Variants in HELZ observed in about 807,000 individuals in gnomAD.
The protein encoded by HELZ is helicase with zinc finger.
Under a neutral mutation model 218.2 loss-of-function variants are expected in HELZ, and 23 were observed. The ratio of observed to expected loss-of-function variants is 0.11; its 90% confidence interval spans 0.08 to 0.15. The LOEUF is 0.15. Ranked by LOEUF, HELZ falls within the 10% of genes least tolerant of loss-of-function variation. The pLI is 1.00. For synonymous variants in HELZ, 814 were observed against 829.4 expected (o/e 0.98, Z 0.32); for missense variants, 1,813 against 2,353.7 (o/e 0.77, Z 4.75).
Position 67,124,452 on chromosome 17 carries a change from CA to C in HELZ, c.3388-439del, listed in dbSNP as rs1428365525. Among the ~76,000 whole-genome samples the C allele has an allele frequency of 2.0e-5, 3 of 151,940 alleles. No homozygotes were observed. In the East Asian group the frequency reaches 5.8e-4, roughly 29 times the overall value. ...AACCTTTAACGGAATAAAAAGAATG[CA>C]AATATGGCTTAGGATTTATGACGTT... On this transcript the variant is annotated intron_variant, in intron 24 of 32. Transcript: ENST00000358691.
chr17:67,143,131 T>G (rs1598309830), intron 21 of HELZ, among the ~76,000 whole-genome samples: 1 of 152,124 alleles, frequency 6.6e-6, no homozygotes, highest in South Asian at 2.1e-4. Context: ...TAAATATAGA[T>G]AATTAATTGC....
At chr17:67,133,717 G>C (rs1408322540) in intron 23 of HELZ, among the ~76,000 whole-genome samples, 2 of 152,104 alleles carry the variant, frequency 1.3e-5, no homozygotes, top group Admixed American at 1.3e-4. Context: ...GTTTTGCCAT[G>C]TTGCCCAGGG....
intron 12 of HELZ, among the ~76,000 whole-genome samples, chr17:67,183,409 T>G (rs1301335047): frequency 1.3e-5 from 2 of 152,236 alleles, no homozygotes; most frequent in Non-Finnish European, 2.9e-5. Flanking sequence ...ACAAACTATT[T>G]AAGTCTATTT....
intron 28 of HELZ, 102 bp downstream of exon 28, chr17:67,114,222 G>T (rs2037364207): frequency 1.3e-6 from 1 of 765,042 alleles, no homozygotes. Flanking sequence ...AAACATAAAG[G>T]ATAAGTGTAC....
chr17:67,172,950 A>G, intron 13 of HELZ: 2 of 549,996 alleles, frequency 3.6e-6, no homozygotes, highest in South Asian at 7.9e-5. Context: ...TTTGAGAATC[A>G]CCATCCCAAA....
intron 5 of HELZ, among the ~76,000 whole-genome samples, chr17:67,212,312 C>G (rs1404246105): frequency 8.3e-3 from 1 of 120 alleles, no homozygotes; most frequent in African/African-American, 0.013. Context: ...GAGACACCAT[C>G]TCAAAAAAAA....
intron 14 of HELZ, 65 bp downstream of exon 14, chr17:67,167,398 G>A (rs2039175975): frequency 2.5e-6 from 3 of 1,204,062 alleles, no homozygotes; most frequent in South Asian, 2.9e-5. Context: ...CTAAACCAGA[G>A]GAAGACTACG....
chr17:67,150,324 T>C (rs1314958493), intron 18 of HELZ, among the ~76,000 whole-genome samples: 1 of 151,868 alleles, frequency 6.6e-6, no homozygotes, highest in Non-Finnish European at 1.5e-5. Context: ...AGAGATAAGG[T>C]TTCACTGTAT....
intron 31 of HELZ, among the ~76,000 whole-genome samples, chr17:67,099,122 A>T: frequency 6.6e-6 from 1 of 151,330 alleles, no homozygotes; most frequent in Non-Finnish European, 1.5e-5. Context: ...TTCTGTTCTC[A>T]TTTCTTATTT....
In HELZ at chr17:67,218,505, G is replaced by A. The variant is rs574618303; in HGVS notation, c.210+90C>T. On this transcript the variant is annotated intron_variant, in intron 4 of 32. Transcript: ENST00000358691. ...CAGCCACTTCACTCACATCTCTTTG[G>A]CCCAGAATTAGCTATTTGTATCGTC... The A allele has an allele frequency of 5.5e-4, 536 of 967,826 alleles. 6 individuals are homozygous for A. Among genetic ancestry groups the A allele is most frequent in the Non-Finnish European group, 5.3e-5 (32 of 601,964 alleles). 60.0% of individuals were successfully genotyped at this position (967,826 alleles called of 1,614,324 possible).
At chr17:67,163,570 T>C (rs932307785) in intron 15 of HELZ, among the ~76,000 whole-genome samples, 1 of 151,918 alleles carries the variant, frequency 6.6e-6, no homozygotes, top group African/African-American at 2.4e-5. Flanking sequence ...GGCTAATTTT[T>C]TTTTTGTATT....
In HELZ at chr17:67,108,423, G is replaced by T. The variant is rs747568874; in HGVS notation, c.4724+69C>A. ...CAATATTCCAGCTTGAAGCTAAAAG[G>T]ACTACAGTCAAAAAAGAGAACAGTG... is the stretch of plus-strand genomic sequence containing the variant. On this transcript the variant is annotated intron_variant, in intron 30 of 32. Coordinates refer to ENST00000358691, the MANE Select transcript of HELZ (RefSeq NM_014877.4). The surrounding 1 kb of genome is among the most constrained non-coding windows in gnomAD (Gnocchi z 4.1). 6 of 1,170,882 alleles carry T rather than the reference G, an allele frequency of 5.1e-6. No individual in the cohort carries two copies. The Admixed American group carries it at 5.4e-5, about 11-fold the overall frequency. 72.5% of individuals were successfully genotyped at this position (1,170,882 alleles called of 1,614,324 possible). A position where few individuals can be genotyped will look rare whatever the true frequency, so the allele number is the denominator to read the frequency against.
In HELZ at chr17:67,120,274, T is replaced by C. The variant is rs563129991; in HGVS notation, c.3838+131A>G. On this transcript the variant is annotated intron_variant, in intron 27 of 32. Coordinates refer to ENST00000358691, the MANE Select transcript of HELZ (RefSeq NM_014877.4). ...CCGCCTCGGCCTCCCAAAGTGCTGG[T>C]AGATTCTCTCTCAAAGAGGTCTATA... 3.4e-4 allele frequency: 256 copies of C among 743,096 alleles called. 3 individuals carry two copies. In the East Asian group the frequency reaches 6.8e-3, roughly 20 times the overall value. 46.0% of individuals were successfully genotyped at this position (743,096 alleles called of 1,614,324 possible). A position where few individuals can be genotyped will look rare whatever the true frequency, so the allele number is the denominator to read the frequency against.
intron 17 of HELZ, among the ~76,000 whole-genome samples, chr17:67,159,061 TATATC>T (rs1378634948): frequency 6.6e-6 from 1 of 152,134 alleles, no homozygotes; most frequent in Admixed American, 6.5e-5. Context: ...CAAAACAACT[TATATC>T]ATTAAAGTAA....
intron 1 of HELZ, chr17:67,244,666 C>T (rs1165065604): frequency 2.0e-6 from 2 of 978,306 alleles, no homozygotes; most frequent in Non-Finnish European, 1.2e-6. Flanking sequence ...CCACTTTTCC[C>T]CACGCCCCCG....
rs747547166 is a variant in HELZ, at chr17:67,072,522, T to G, written c.*5730A>C. The G allele has an allele frequency of 6.6e-6, 1 of 152,640 alleles. No individual in the cohort carries two copies. Among genetic ancestry groups the G allele is most frequent in the East Asian group, 1.9e-4 (1 of 5,176 alleles). The allele number at this position is 152,640 out of a possible 1,614,324, so 9.5% of individuals were successfully genotyped here. On this transcript the variant is annotated 3_prime_UTR_variant, in exon 33 of 33. Coordinates refer to ENST00000358691, the MANE Select transcript of HELZ (RefSeq NM_014877.4). ...TCACTTCCATGCATGTGGATCAAGATTGACCCTAAGCACACCAAACAAATG... is the reference window on the plus strand; with the variant it reads ...TCACTTCCATGCATGTGGATCAAGAGTGACCCTAAGCACACCAAACAAATG...
At chr17:67,105,473 T>C (rs373591166) in intron 31 of HELZ, among the ~76,000 whole-genome samples, 4 of 152,152 alleles carry the variant, frequency 2.6e-5, no homozygotes, top group African/African-American at 4.8e-5. Context: ...TGGGGTGTAA[T>C]TGCTTAACAG....
rs369975743 is a variant in HELZ at position 67,185,267 on chromosome 17, C to T, written c.1162+3052G>A. On this transcript the variant is annotated intron_variant, in intron 12 of 32. Transcript: ENST00000358691. Reference sequence around the variant, plus strand: ...ATTTCACATAAACAAATTGTTTGCCCATAAACATATTTTCTGCTGACATGG... The same window carrying T: ...ATTTCACATAAACAAATTGTTTGCCTATAAACATATTTTCTGCTGACATGG... 3.3e-5 allele frequency among the ~76,000 whole-genome samples: 5 copies of T among 152,248 alleles called. No homozygotes were observed. In the East Asian group the frequency reaches 7.7e-4, roughly 23 times the overall value.
chr17:67,208,002 A>T (rs970782666), intron 5 of HELZ, among the ~76,000 whole-genome samples: 2 of 152,208 alleles, frequency 1.3e-5, no homozygotes, highest in Admixed American at 6.5e-5. Context: ...CTGTCTCAAA[A>T]CAAAAACAAA....
Sources: allele counts gnomAD v4.1 joint callset (sites outside exome capture counted in the v4.1 genomes callset), GRCh38; gene constraint gnomAD v4.1.1; non-coding constraint Gnocchi (gnomAD v3.1); transcripts MANE v1.5; gene names NCBI Gene and HGNC (gene_info 2026-07-23, HGNC 2026-07-21).